CYP2C18: variants seen among roughly 807,000 people sequenced by gnomAD.
The protein encoded by CYP2C18 is cytochrome P450 2C18.
A neutral mutation model predicts 41.3 loss-of-function variants in CYP2C18; 38 were observed. That is an observed-to-expected ratio of 0.92 (90% CI 0.71 to 1.21). CYP2C18 has a LOEUF of 1.21. Among genes scored for constraint, CYP2C18 ranks in the 50% most tolerant of loss-of-function variants. The pLI, the probability that CYP2C18 is intolerant of heterozygous loss-of-function variation, is 0.00. For synonymous variants in CYP2C18, 236 were observed against 210.0 expected (o/e 1.12, Z -1.07); for missense variants, 635 against 591.4 (o/e 1.07, Z -0.77).
At chr10:94,689,987 AG>A (rs1261208381) in intron 3 of CYP2C18, among the ~76,000 whole-genome samples, 5 of 152,146 alleles carry the variant, frequency 3.3e-5, no homozygotes, top group African/African-American at 1.2e-4. Flanking sequence ...ATGAAGGCTC[AG>A]CCCCATGGTT....
chr10:94,734,065 A>G (rs769772770), intron 8 of CYP2C18, among the ~76,000 whole-genome samples: 1 of 152,100 alleles, frequency 6.6e-6, no homozygotes, highest in Non-Finnish European at 1.5e-5. Context: ...GCAGCAGGAA[A>G]CAGGACAAGA....
chr10:94,685,049 TTA>T, intron 1 of CYP2C18, among the ~76,000 whole-genome samples: 1 of 151,852 alleles, frequency 6.6e-6, no homozygotes, highest in Non-Finnish European at 1.5e-5. Context: ...AATTAATTAA[TTA>T]ATAGAGACAG....
In CYP2C18 at chr10:94,735,826, A is replaced by T. The variant is rs1847911033; in HGVS notation, c.*382A>T. ...TATTATTTACTGGGTCAGTTCTTAG[A>T]TTTCTTTCTTTTGAGTAAAATGAAA... is the stretch of plus-strand genomic sequence containing the variant. On this transcript the variant is annotated 3_prime_UTR_variant, in exon 9 of 9. Coordinates refer to ENST00000285979, the MANE Select transcript of CYP2C18 (RefSeq NM_000772.3). 1 of 172,618 alleles carries T rather than the reference A, an allele frequency of 5.8e-6. No homozygotes were observed. The highest frequency in any genetic ancestry group is 1.2e-5 in the Non-Finnish European group (1 of 80,734). The allele number at this position is 172,618 out of a possible 1,614,324, so 10.7% of individuals were successfully genotyped here. A position where few individuals can be genotyped will look rare whatever the true frequency, so the allele number is the denominator to read the frequency against.
At chr10:94,708,774 G>C (rs1847385421) in intron 5 of CYP2C18, among the ~76,000 whole-genome samples, 1 of 152,110 alleles carries the variant, frequency 6.6e-6, no homozygotes, top group Non-Finnish European at 1.5e-5. Flanking sequence ...CTAATATACT[G>C]TCTGTCTCTA....
Position 94,684,240 on chromosome 10 carries a change from C to G in CYP2C18, c.168+253C>G, listed in dbSNP as rs114185568. 3.1e-3 allele frequency among the ~76,000 whole-genome samples: 475 copies of G among 152,122 alleles called. 3 individuals are homozygous for G. Among genetic ancestry groups the G allele is most frequent in the African/African-American group, 0.011 (448 of 41,494 alleles). On this transcript the variant is annotated intron_variant, in intron 1 of 8. Coordinates refer to ENST00000285979, the MANE Select transcript of CYP2C18 (RefSeq NM_000772.3). ...TCTTTTTTAGCTGTTTTGAAATATA[C>G]AGTACATTAATATTAATTATAGTCA...
chr10:94,705,064 C>A (rs1178784207), intron 4 of CYP2C18, among the ~76,000 whole-genome samples: 1 of 152,134 alleles, frequency 6.6e-6, no homozygotes, highest in Non-Finnish European at 1.5e-5. Flanking sequence ...CCAGGGCCTT[C>A]CACTGCGAGC....
intron 3 of CYP2C18, among the ~76,000 whole-genome samples, chr10:94,694,087 A>G (rs1032923400): frequency 1.3e-5 from 2 of 152,218 alleles, no homozygotes; most frequent in Non-Finnish European, 2.9e-5. Context: ...TGATGGCTAG[A>G]TAGAACAATA....
chr10:94,689,605 A>G (rs1846960394), intron 3 of CYP2C18, among the ~76,000 whole-genome samples: 1 of 152,152 alleles, frequency 6.6e-6, no homozygotes, highest in African/African-American at 2.4e-5. Flanking sequence ...TTGGATACCA[A>G]AATCCACATA....
intron 4 of CYP2C18, among the ~76,000 whole-genome samples, chr10:94,700,458 A>G (rs988335384): frequency 6.6e-6 from 1 of 152,024 alleles, no homozygotes; most frequent in African/African-American, 2.4e-5. Flanking sequence ...CCTTCCTTAC[A>G]CCTTATAGAA....
intron 3 of CYP2C18, 69 bp downstream of exon 3, chr10:94,688,343 C>T: frequency 1.3e-6 from 2 of 1,516,062 alleles, no homozygotes; most frequent in Non-Finnish European, 1.8e-6. Flanking sequence ...TAGATTGATA[C>T]ATAACTTTTA....
chr10:94,733,567 T>C (rs1847870619), intron 8 of CYP2C18, 129 bp downstream of exon 8: 1 of 1,492,350 alleles, frequency 6.7e-7, no homozygotes, highest in Non-Finnish European at 8.9e-7. Flanking sequence ...CCATTCCCTA[T>C]GCCCATGCGA....
chr10:94,728,599 TAAAAG>T (rs1350833119), intron 7 of CYP2C18: 1 of 970,638 alleles, frequency 1.0e-6, no homozygotes, highest in Non-Finnish European at 1.2e-6. Flanking sequence ...GTGTTTTAAC[TAAAAG>T]AAACATATAG....
intron 7 of CYP2C18, 136 bp from the exon 8 acceptor site, chr10:94,733,161 C>G (rs1395609313): frequency 1.3e-6 from 1 of 798,108 alleles, no homozygotes; most frequent in East Asian, 2.7e-5. Context: ...CTAGGTCTGT[C>G]TGGGTGGGAA....
Position 94,683,922 on chromosome 10 carries a change from C to T in CYP2C18, c.103C>T (p.Pro35Ser). 6.2e-7 allele frequency: 1 copy of T among 1,610,822 alleles called. No individual in the cohort carries two copies. Among genetic ancestry groups the T allele is most frequent in the Non-Finnish European group, 8.5e-7 (1 of 1,178,468 alleles). The change falls in exon 1 of 9, where the codon CCT becomes TCT. Residue 35 changes from proline to serine, a missense_variant. Physicochemically the swap from Pro to Ser is moderately conservative, Grantham distance 74. Transcript: ENST00000285979. ...AGGGAGGCTCCCGTCTGGCCCCACT[C>T]CTCTCCCGATTATTGGAAATATCCT... is the stretch of plus-strand genomic sequence containing the variant. ...GRGRLPSGPT[P>S]LPIIGNILQL...
chr10:94,696,605 C>T (rs1847121764), intron 4 of CYP2C18, among the ~76,000 whole-genome samples: 1 of 152,094 alleles, frequency 6.6e-6, no homozygotes, highest in Non-Finnish European at 1.5e-5. Context: ...AGCTCCTCAC[C>T]AGCAACAGAA....
intron 5 of CYP2C18, among the ~76,000 whole-genome samples, chr10:94,707,370 G>C (rs1372786287): frequency 1.3e-5 from 2 of 152,134 alleles, no homozygotes; most frequent in Non-Finnish European, 2.9e-5. Flanking sequence ...GAATAACGGG[G>C]CAGTCAATTT....
At chr10:94,690,641 T>C (rs1359786304) in intron 3 of CYP2C18, among the ~76,000 whole-genome samples, 1 of 152,016 alleles carries the variant, frequency 6.6e-6, no homozygotes, top group East Asian at 1.9e-4. Context: ...TTCCAATCAA[T>C]AGAAAAAGAG....
chr10:94,706,731 C>T, intron 4 of CYP2C18, 53 bp from the exon 5 acceptor site: 2 of 990,168 alleles, frequency 2.0e-6, no homozygotes, highest in South Asian at 1.7e-5. Context: ...TGACTTATGG[C>T]ATATGTCTTC....
intron 4 of CYP2C18, among the ~76,000 whole-genome samples, chr10:94,703,829 C>T (rs1215591897): frequency 2.0e-5 from 3 of 152,134 alleles, no homozygotes; most frequent in African/African-American, 7.2e-5. Context: ...AAGTGGCCAC[C>T]CAGTTTTGTG....
Sources: gnomAD v4.1 joint callset for allele counts (sites outside exome capture counted in the v4.1 genomes callset) on GRCh38, gnomAD v4.1.1 for gene constraint, MANE v1.5 for transcripts, NCBI Gene and HGNC (gene_info 2026-07-23, HGNC 2026-07-21) for gene names.